METTL24: variants seen among roughly 807,000 people sequenced by gnomAD.
METTL24 encodes the protein methyltransferase like 24.
In METTL24, 29 loss-of-function variants were observed where a neutral mutation model predicts 32.7. The observed-to-expected ratio is 0.89, with a 90% confidence interval of 0.66 to 1.21. The LOEUF is 1.21. Ranked by LOEUF, METTL24 falls within the 50% of genes most tolerant of loss-of-function variation. The pLI is 0.00. For synonymous variants in METTL24, 163 were observed against 179.5 expected (o/e 0.91, Z 0.73); for missense variants, 439 against 468.1 (o/e 0.94, Z 0.57).
chr6:110,319,800 A>G (rs899066060), intron 2 of METTL24, among the ~76,000 whole-genome samples: 25 of 152,128 alleles, frequency 1.6e-4, no homozygotes, highest in Non-Finnish European at 2.5e-4. Flanking sequence ...AATTTCATTT[A>G]AAAATGCATG....
intron 1 of METTL24, among the ~76,000 whole-genome samples, chr6:110,330,509 C>T (rs560627618): frequency 6.6e-6 from 1 of 152,290 alleles, no homozygotes; most frequent in South Asian, 2.1e-4. Flanking sequence ...GCCCCATTAA[C>T]GGATTTGTAA....
intron 2 of METTL24, among the ~76,000 whole-genome samples, chr6:110,318,962 C>A (rs996432351): frequency 3.9e-5 from 6 of 151,960 alleles, no homozygotes; most frequent in Non-Finnish European, 7.4e-5. Context: ...TAATTTTAGC[C>A]AAATAAAGCA....
chr6:110,286,733 AAGG>A (rs1464168678), intron 4 of METTL24, among the ~76,000 whole-genome samples: 1 of 152,186 alleles, frequency 6.6e-6, no homozygotes, highest in Non-Finnish European at 1.5e-5. Flanking sequence ...GGTGCTGCCA[AAGG>A]AGATTAACAT....
intron 4 of METTL24, among the ~76,000 whole-genome samples, chr6:110,283,201 C>G (rs1167595736): frequency 6.6e-6 from 1 of 152,098 alleles, no homozygotes; most frequent in Non-Finnish European, 1.5e-5. Flanking sequence ...CTCTTCCTAA[C>G]AAGACTACAC....
At chr6:110,294,696 AAAT>A (rs1357125952) in intron 4 of METTL24, among the ~76,000 whole-genome samples, 2 of 152,130 alleles carry the variant, frequency 1.3e-5, no homozygotes, top group African/African-American at 4.8e-5. Flanking sequence ...AAAATAATGG[AAAT>A]AAAAGAATCT....
Position 110,299,036 on chromosome 6 carries a change from C to A in METTL24, c.672G>T (p.Trp224Cys), listed in dbSNP as rs780690073. 1 of 1,614,148 alleles carries A rather than the reference C, an allele frequency of 6.2e-7. No individual in the cohort carries two copies. The highest frequency in any genetic ancestry group is 8.5e-7 in the Non-Finnish European group (1 of 1,180,020). ...GCCAGTCAATGGACAAGCGGTGATA[C>A]CAAAGGTGCTGACTCTCCAGAATGT... is the stretch of plus-strand genomic sequence containing the variant. ...SAHILESQHL[W>C]YHRLSIDWRD... Residue 224 changes from tryptophan (W) to cysteine (C), a missense_variant, in exon 4 of 5, where the codon TGG (tryptophan) becomes TGT (cysteine). Transcript: ENST00000338882.
intron 3 of METTL24, among the ~76,000 whole-genome samples, chr6:110,310,935 G>T (rs1452950420): frequency 6.6e-6 from 1 of 152,146 alleles, no homozygotes; most frequent in East Asian, 1.9e-4. Flanking sequence ...TCTTCGGTTT[G>T]CCTGGGAATT....
At chr6:110,256,248 G>A (rs997152163) in intron 4 of METTL24, among the ~76,000 whole-genome samples, 2 of 152,082 alleles carry the variant, frequency 1.3e-5, no homozygotes, top group Admixed American at 6.6e-5. Flanking sequence ...TTACCACTGA[G>A]CCTAGCTTCA....
At chr6:110,329,011 G>A (rs980587048) in intron 1 of METTL24, among the ~76,000 whole-genome samples, 2 of 152,140 alleles carry the variant, frequency 1.3e-5, no homozygotes, top group South Asian at 4.1e-4. Context: ...AAACCAAAAG[G>A]ATGCTTCTAA....
intron 2 of METTL24, among the ~76,000 whole-genome samples, chr6:110,317,733 A>G (rs1364417038): frequency 1.3e-5 from 2 of 152,044 alleles, no homozygotes; most frequent in Non-Finnish European, 2.9e-5. Flanking sequence ...TTCCCTCCTA[A>G]TGCCATCCAA....
intron 1 of METTL24, among the ~76,000 whole-genome samples, chr6:110,350,233 G>T (rs781731959): frequency 1.3e-5 from 2 of 152,184 alleles, no homozygotes; most frequent in Non-Finnish European, 2.9e-5. Context: ...CTATATCTGT[G>T]GTAGTGCCTA....
intron 1 of METTL24, among the ~76,000 whole-genome samples, chr6:110,356,341 G>C (rs962081394): frequency 6.6e-5 from 10 of 152,118 alleles, no homozygotes; most frequent in African/African-American, 2.4e-4. Flanking sequence ...TACTCGGTAG[G>C]CTGAGCCAGA....
intron 4 of METTL24, among the ~76,000 whole-genome samples, chr6:110,296,229 C>A (rs1282423881): frequency 6.6e-6 from 1 of 152,138 alleles, no homozygotes; most frequent in Non-Finnish European, 1.5e-5. Context: ...CTGAATGTAA[C>A]AAAGTCTAAA....
At chr6:110,345,850 G>A (rs1414137419) in intron 1 of METTL24, among the ~76,000 whole-genome samples, 1 of 152,198 alleles carries the variant, frequency 6.6e-6, no homozygotes, top group Non-Finnish European at 1.5e-5. Flanking sequence ...GTACCTGGTT[G>A]TCAAAATAAT....
At chr6:110,289,139 C>A (rs1400882800) in intron 4 of METTL24, among the ~76,000 whole-genome samples, 1 of 151,956 alleles carries the variant, frequency 6.6e-6, no homozygotes, top group African/African-American at 2.4e-5. Flanking sequence ...GAAGGGCAAG[C>A]CAAAAAGAAA....
At chr6:110,305,856 A>G (rs1366572969) in intron 3 of METTL24, among the ~76,000 whole-genome samples, 1 of 152,228 alleles carries the variant, frequency 6.6e-6, no homozygotes, top group African/African-American at 2.4e-5. Flanking sequence ...AAATCATTCT[A>G]CTATAAAGGC....
intron 4 of METTL24, among the ~76,000 whole-genome samples, chr6:110,289,998 C>T (rs1562227007): frequency 6.6e-6 from 1 of 152,108 alleles, no homozygotes; most frequent in Non-Finnish European, 1.5e-5. Flanking sequence ...GTTGCCCAGG[C>T]TGGAGTGCAG....
chr6:110,284,004 C>G (rs576568202), intron 4 of METTL24, among the ~76,000 whole-genome samples: 13 of 152,276 alleles, frequency 8.5e-5, no homozygotes, highest in African/African-American at 3.1e-4. Flanking sequence ...TTGTACTAAC[C>G]TAATACAATG....
chr6:110,278,494 A>G (rs977198040), intron 4 of METTL24, among the ~76,000 whole-genome samples: 1 of 152,172 alleles, frequency 6.6e-6, no homozygotes, highest in Admixed American at 6.6e-5. Flanking sequence ...GAGACCAGAG[A>G]CTTTTGTCCT....
Sources: allele counts gnomAD v4.1 joint callset (sites outside exome capture counted in the v4.1 genomes callset), GRCh38; gene constraint gnomAD v4.1.1; transcripts MANE v1.5; gene names NCBI Gene and HGNC (gene_info 2026-07-23, HGNC 2026-07-21).